UGT8: variants seen among roughly 807,000 people sequenced by gnomAD.
UGT8 encodes UDP glycosyltransferase 8, also known as 2-hydroxyacylsphingosine 1-beta-galactosyltransferase.
In UGT8, 12 loss-of-function variants were observed where a neutral mutation model predicts 40.5. The observed-to-expected ratio is 0.30, with a 90% CI of 0.19 to 0.48. UGT8 has a LOEUF of 0.48. Among genes scored for constraint, UGT8 ranks in the 20% least tolerant of loss-of-function variants. UGT8 has a pLI of 0.99. For missense variants in UGT8, 513 were observed against 648.7 expected (o/e 0.79, Z 2.27); for synonymous variants, 224 against 240.4 (o/e 0.93, Z 0.63).
chr4:114,674,626 A>T (rs189863381), intron 5 of UGT8, among the ~76,000 whole-genome samples: 32 of 152,306 alleles, frequency 2.1e-4, no homozygotes, highest in Non-Finnish European at 4.0e-4. Context: ...TCTTCTTCCA[A>T]TCTAATTTCT....
intron 2 of UGT8, among the ~76,000 whole-genome samples, chr4:114,638,294 T>C (rs1038382572): frequency 2.0e-5 from 3 of 152,114 alleles, no homozygotes; most frequent in Non-Finnish European, 4.4e-5. Context: ...AAGGAAAGCA[T>C]AGGGTGCTGA....
intron 2 of UGT8, chr4:114,663,688 T>TG: frequency 3.0e-6 from 3 of 985,196 alleles, no homozygotes; most frequent in Non-Finnish European, 3.6e-6. Flanking sequence ...TTTCTGAACA[T>TG]GCATCAGTTG....
chr4:114,662,866 C>T (rs988463918), intron 2 of UGT8, among the ~76,000 whole-genome samples: 3 of 135,684 alleles, frequency 2.2e-5, no homozygotes, highest in African/African-American at 8.2e-5. Context: ...CACTCTGTCG[C>T]CCAGGCTGGA....
intron 1 of UGT8, among the ~76,000 whole-genome samples, chr4:114,615,834 G>T (rs886524369): frequency 1.3e-5 from 2 of 152,110 alleles, no homozygotes; most frequent in Non-Finnish European, 2.9e-5. Flanking sequence ...ATTGTCTTTC[G>T]TCTTTTTGGC....
rs907995333 is a variant in UGT8 at position 114,609,877 on chromosome 4, C to G, written c.-3+10903C>G. On this transcript the variant is annotated intron_variant, in intron 1 of 5. Coordinates refer to ENST00000310836, the MANE Select transcript of UGT8 (RefSeq NM_001128174.3). ...CATGTTGATTTCCTGGTGGCCTGTA[C>G]AGTGAGTATTTTGTAACATTTAGAA... is the stretch of plus-strand genomic sequence containing the variant. 2.6e-5 allele frequency among the ~76,000 whole-genome samples: 4 copies of G among 152,162 alleles called. No individual in the cohort carries two copies. The East Asian group carries it at 7.7e-4, about 29-fold the overall frequency.
rs866189711 is a variant in UGT8, at chr4:114,677,819, A to C, written c.*1531A>C. The C allele has an allele frequency of 1.8e-4, 28 of 152,308 alleles. No homozygotes were observed. The highest frequency in any genetic ancestry group is 6.7e-4 in the African/African-American group (28 of 41,578). The allele number at this position is 152,308 out of a possible 1,614,324, so 9.4% of individuals were successfully genotyped here. ...TTCACTAACATGGAAGAGTTGTGAA[A>C]ATTCTAGAGTGCTGTAAATCCTTGG... On this transcript the variant is annotated 3_prime_UTR_variant, in exon 6 of 6. Transcript: ENST00000310836.
intron 2 of UGT8, among the ~76,000 whole-genome samples, chr4:114,642,056 G>A (rs1382324665): frequency 2.0e-5 from 3 of 152,148 alleles, no homozygotes; most frequent in Non-Finnish European, 4.4e-5. Context: ...TTGTAAAGTA[G>A]TTGAGATGGG....
At chr4:114,620,783 A>G (rs1275619744) in intron 1 of UGT8, among the ~76,000 whole-genome samples, 2 of 152,174 alleles carry the variant, frequency 1.3e-5, no homozygotes, top group African/African-American at 4.8e-5. Context: ...GTTGCCTGCT[A>G]TTGATTTCTT....
chr4:114,654,058 C>T (rs1360484733), intron 2 of UGT8, among the ~76,000 whole-genome samples: 1 of 152,014 alleles, frequency 6.6e-6, no homozygotes, highest in African/African-American at 2.4e-5. Context: ...ATATAGCTAC[C>T]AGAATTATTT....
At chr4:114,662,035 A>G (rs745376406) in intron 2 of UGT8, among the ~76,000 whole-genome samples, 2 of 152,198 alleles carry the variant, frequency 1.3e-5, no homozygotes, top group Non-Finnish European at 2.9e-5. Flanking sequence ...AGCATCTTAC[A>G]TATACTTGGT....
chr4:114,624,649 T>C (rs544582304), intron 2 of UGT8, among the ~76,000 whole-genome samples: 11 of 152,270 alleles, frequency 7.2e-5, no homozygotes, highest in African/African-American at 2.6e-4. Flanking sequence ...TGATGAAGAG[T>C]AAATCCAGAT....
At chr4:114,647,368 G>GTGTGTA (rs1486328520) in intron 2 of UGT8, among the ~76,000 whole-genome samples, 1 of 151,202 alleles carries the variant, frequency 6.6e-6, no homozygotes, top group Non-Finnish European at 1.5e-5. Context: ...GTGTGTGTGT[G>GTGTGTA]TGTGTGTGTG....
chr4:114,616,039 C>T (rs943639269), intron 1 of UGT8, among the ~76,000 whole-genome samples: 4 of 152,228 alleles, frequency 2.6e-5, no homozygotes, highest in East Asian at 1.9e-4. Context: ...TTAGGCTAGT[C>T]GGGGGTCAGG....
chr4:114,630,417 G>A (rs1049082411), intron 2 of UGT8, among the ~76,000 whole-genome samples: 1 of 152,198 alleles, frequency 6.6e-6, no homozygotes, highest in Non-Finnish European at 1.5e-5. Flanking sequence ...CCTGGTGGTG[G>A]CAGTTATTAC....
chr4:114,605,256 C>A (rs944383908), intron 1 of UGT8, among the ~76,000 whole-genome samples: 6 of 152,134 alleles, frequency 3.9e-5, no homozygotes, highest in Non-Finnish European at 8.8e-5. Flanking sequence ...AATATTAAAA[C>A]ATTTAGATTA....
At chr4:114,675,376 C>T (rs1735560368) in intron 5 of UGT8, among the ~76,000 whole-genome samples, 1 of 152,144 alleles carries the variant, frequency 6.6e-6, no homozygotes, top group Non-Finnish European at 1.5e-5. Context: ...AACTTTGTAA[C>T]ATAATCAAGT....
At chr4:114,626,893 A>T (rs1732258774) in intron 2 of UGT8, among the ~76,000 whole-genome samples, 1 of 152,132 alleles carries the variant, frequency 6.6e-6, no homozygotes, top group Admixed American at 6.5e-5. Flanking sequence ...AACCATATGG[A>T]CTCTTATTTA....
Position 114,623,178 on chromosome 4 carries a change from G to C in UGT8, c.298G>C (p.Ala100Pro), listed in dbSNP as rs775284168. ...GAATATTTTCTCTGGGAGATTGACA[G>C]CAATCGAACTGTTTGACATACTGGA... ...MRNIFSGRLT[A>P]IELFDILDHY... Residue 100 changes from alanine (A) to proline (P), a missense_variant, in exon 2 of 6, where the codon GCA (alanine) becomes CCA (proline). By Grantham distance (27) the Ala-to-Pro change is conservative. Coordinates refer to ENST00000310836, the MANE Select transcript of UGT8 (RefSeq NM_001128174.3). The C allele has an allele frequency of 6.2e-6, 10 of 1,614,120 alleles. No individual in the cohort carries two copies. The East Asian group carries it at 2.2e-4, about 36-fold the overall frequency.
intron 1 of UGT8, among the ~76,000 whole-genome samples, chr4:114,617,284 G>C (rs1376355693): frequency 1.6e-4 from 25 of 152,064 alleles, no homozygotes; most frequent in Non-Finnish European, 1.5e-5. Flanking sequence ...CCCTTCCTTT[G>C]GCCTTGGAGA....
Sources: gnomAD v4.1 joint callset for allele counts (sites outside exome capture counted in the v4.1 genomes callset) on GRCh38, gnomAD v4.1.1 for gene constraint, MANE v1.5 for transcripts, NCBI Gene and HGNC (gene_info 2026-07-23, HGNC 2026-07-21) for gene names.